HPSE2: variants seen among roughly 807,000 people sequenced by gnomAD.
HPSE2 encodes inactive heparanase-2.
Under a neutral mutation model 60.5 loss-of-function variants are expected in HPSE2, and 38 were observed. The ratio of observed to expected loss-of-function variants is 0.63; its 90% CI spans 0.48 to 0.82. The LOEUF is 0.82. Ranked by LOEUF, HPSE2 falls within the 40% of genes least tolerant of loss-of-function variation. The pLI, the probability that HPSE2 is intolerant of heterozygous loss-of-function variation, is 0.00. For synonymous variants in HPSE2, 295 were observed against 293.2 expected, an observed-to-expected ratio of 1.01 and a Z score of -0.06; for missense variants, 713 against 740.4, an observed-to-expected ratio of 0.96 and a Z score of 0.43.
At chr10:99,018,946 A>G (rs897375577) in intron 3 of HPSE2, among the ~76,000 whole-genome samples, 2 of 152,250 alleles carry the variant, frequency 1.3e-5, no homozygotes, top group African/African-American at 4.8e-5. Context: ...AAAGAAATGC[A>G]CATTCCATTA....
At chr10:99,264,405 TC>T in the HPSE2 span, among the ~76,000 whole-genome samples, 1 of 152,108 alleles carries the variant, frequency 6.6e-6, no homozygotes, top group South Asian at 2.1e-4. Context: ...CAGTTTCTAA[TC>T]CATCTTTAAC....
chr10:99,137,476 C>G (rs1484167309), intron 3 of HPSE2, among the ~76,000 whole-genome samples: 1 of 152,210 alleles, frequency 6.6e-6, no homozygotes, highest in Non-Finnish European at 1.5e-5. Context: ...AGGCATCATG[C>G]TACCTGACTT....
Position 98,627,519 on chromosome 10 carries a change from G to C in HPSE2, c.1099-6811C>G, listed in dbSNP as rs1033938506. Among the ~76,000 whole-genome samples the C allele has an allele frequency of 9.2e-5, 14 of 152,252 alleles. No homozygotes were observed. In the East Asian group the frequency reaches 2.7e-3, roughly 29 times the overall value. ...TGAAAGGAAACAATCTAAAATTGAG[G>C]AACAGTTAGGGGCATGGACTCTGGA... On this transcript the variant is annotated intron_variant, in intron 7 of 11. Coordinates refer to ENST00000370552, the MANE Select transcript of HPSE2 (RefSeq NM_021828.5).
the HPSE2 span, among the ~76,000 whole-genome samples, chr10:99,281,185 T>C: frequency 6.7e-6 from 1 of 149,464 alleles, no homozygotes; most frequent in Middle Eastern, 3.6e-3. Context: ...AATATTATCT[T>C]ATTAATTTTA....
intron 3 of HPSE2, among the ~76,000 whole-genome samples, chr10:98,916,397 G>T (rs932549256): frequency 6.6e-6 from 1 of 152,242 alleles, no homozygotes; most frequent in Admixed American, 6.5e-5. Flanking sequence ...CATCCAGTTA[G>T]GTGATTTTAA....
Position 99,169,746 on chromosome 10 carries a change from C to T in HPSE2, c.449-25347G>A, listed in dbSNP as rs376653451. Among the ~76,000 whole-genome samples, 6 of 152,054 alleles carry T rather than the reference C, an allele frequency of 3.9e-5. No individual in the cohort carries two copies. In the East Asian group the frequency reaches 1.2e-3, roughly 30 times the overall value. On this transcript the variant is annotated intron_variant, in intron 2 of 11. Transcript: ENST00000370552. ...CTTACCAACCAGATACCAGTAGCAT[C>T]CCCAGTCTCTTGGGGGAAAAGTCCC...
At chr10:98,724,869 G>C (rs7083953) in intron 4 of HPSE2, among the ~76,000 whole-genome samples, 6,637 of 152,146 alleles carry the variant, frequency 0.044, 221 homozygotes, top group East Asian at 0.12. Context: ...GCCAAATCAT[G>C]AGTGAACTCC....
At position 98,600,895 on chromosome 10, in the gene HPSE2, A is replaced by ATATATATAATATGTGTGTG. The variant is rs1945391718; in HGVS notation, c.1320+14008_1320+14009insCACACACATATTATATATA. 5.2e-4 allele frequency among the ~76,000 whole-genome samples: 36 copies of ATATATATAATATGTGTGTG among 69,418 alleles called. 1 individual carries two copies. The Admixed American group carries it at 6.0e-3, about 12-fold the overall frequency. The allele number at this position is 69,418 out of a possible 152,430, so 45.5% of individuals were successfully genotyped here. On this transcript the variant is annotated intron_variant, in intron 9 of 11. Coordinates refer to ENST00000370552, the MANE Select transcript of HPSE2 (RefSeq NM_021828.5). The stretch of plus-strand genomic sequence containing the variant: ...TATATGTATATATACATATATACGT[A>ATATATATAATATGTGTGTG]TATATATGTGTGTGTGTATATATAT...
chr10:98,575,509 G>A (rs184495325), intron 9 of HPSE2, among the ~76,000 whole-genome samples: 1 of 152,304 alleles, frequency 6.6e-6, no homozygotes, highest in African/African-American at 2.4e-5. Context: ...TGATAACATA[G>A]TTAATATTTA....
At chr10:99,175,983 T>G (rs1288939707) in intron 2 of HPSE2, among the ~76,000 whole-genome samples, 5 of 152,218 alleles carry the variant, frequency 3.3e-5, no homozygotes, top group Non-Finnish European at 7.3e-5. Context: ...GCAAATGGCC[T>G]GGAGTGGACC....
At chr10:98,695,944 A>G (rs1395858275) in intron 5 of HPSE2, among the ~76,000 whole-genome samples, 1 of 152,186 alleles carries the variant, frequency 6.6e-6, no homozygotes, top group Non-Finnish European at 1.5e-5. Flanking sequence ...ATAGAAGGAA[A>G]ATTGAAAAAT....
chr10:98,649,506 C>T (rs1946861813), intron 6 of HPSE2, among the ~76,000 whole-genome samples: 1 of 152,160 alleles, frequency 6.6e-6, no homozygotes, highest in Non-Finnish European at 1.5e-5. Flanking sequence ...AATACAGCAC[C>T]ATGCTTATTT....
chr10:98,762,498 G>C (rs72835002), intron 3 of HPSE2, among the ~76,000 whole-genome samples: 2,286 of 152,144 alleles, frequency 0.015, 32 homozygotes, highest in African/African-American at 0.03. Context: ...GATCATGCTG[G>C]AGTTACCTGC....
chr10:98,559,484 G>A (rs1265928666), intron 9 of HPSE2, among the ~76,000 whole-genome samples: 1 of 152,110 alleles, frequency 6.6e-6, no homozygotes, highest in Non-Finnish European at 1.5e-5. Flanking sequence ...ATCTTACCCT[G>A]AAGGCTTCTC....
intron 3 of HPSE2, among the ~76,000 whole-genome samples, chr10:98,918,050 AC>A (rs1954172064): frequency 6.6e-6 from 1 of 152,226 alleles, no homozygotes; most frequent in Non-Finnish European, 1.5e-5. Flanking sequence ...CATATGTTAT[AC>A]ACATAAAATG....
At chr10:98,899,758 C>CTTT (rs61080994) in intron 3 of HPSE2, among the ~76,000 whole-genome samples, 1 of 118,366 alleles carries the variant, frequency 8.4e-6, no homozygotes, top group Non-Finnish European at 1.7e-5. Context: ...TTGGCAGTGT[C>CTTT]TTTTTTTTTT....
chr10:99,243,385 C>G, the HPSE2 span, among the ~76,000 whole-genome samples: 2 of 151,950 alleles, frequency 1.3e-5, no homozygotes, highest in East Asian at 1.9e-4. Flanking sequence ...TTAAAATTTT[C>G]AAGTTGTTTC....
chr10:98,461,810 T>C (rs1277312295), intron 11 of HPSE2: 2 of 1,595,516 alleles, frequency 1.3e-6, no homozygotes, highest in Admixed American at 1.7e-5. Flanking sequence ...AGTATTGACA[T>C]CTTTGGGTTC....
intron 6 of HPSE2, among the ~76,000 whole-genome samples, chr10:98,658,828 C>T (rs185999168): frequency 6.6e-6 from 1 of 151,916 alleles, no homozygotes; most frequent in East Asian, 1.9e-4. Context: ...CATTTTTAGA[C>T]AGCCAAATTT....
Sources: gnomAD v4.1 joint callset for allele counts (sites outside exome capture counted in the v4.1 genomes callset) on GRCh38, gnomAD v4.1.1 for gene constraint, MANE v1.5 for transcripts, NCBI Gene and HGNC (gene_info 2026-07-23, HGNC 2026-07-21) for gene names.